AGPAT4: variants seen among roughly 807,000 people sequenced by gnomAD.
The protein encoded by AGPAT4 is 1-acyl-sn-glycerol-3-phosphate acyltransferase delta.
A neutral mutation model predicts 48.0 loss-of-function variants in AGPAT4; 15 were observed. The observed-to-expected ratio is 0.31, with a 90% CI of 0.21 to 0.48. The LOEUF (loss-of-function observed/expected upper bound fraction) is 0.48, where lower values mean the gene tolerates loss of function less well. Among genes scored for constraint, AGPAT4 ranks in the 20% least tolerant of loss-of-function variants. The probability of loss-of-function intolerance (pLI) is 0.99; values close to 1 mark genes in which losing one functional copy is unlikely to be tolerated. For missense variants in AGPAT4, 314 were observed against 482.5 expected (o/e 0.65, Z 3.27); for synonymous variants, 178 against 198.7 (o/e 0.90, Z 0.88).
chr6:161,169,169 A>G lies in AGPAT4; in HGVS notation c.179-2752T>C, dbSNP rs543415849. 1.8e-4 allele frequency among the ~76,000 whole-genome samples: 27 copies of G among 152,322 alleles called. No homozygotes were observed. The highest frequency in any genetic ancestry group is 6.0e-4 in the African/African-American group (25 of 41,560). Reference sequence around the variant, plus strand: ...ACAGAGACTTCTGGGTTACCAGAGTAAGGAGTTATGATTTATGATTTCATT... The same window carrying G: ...ACAGAGACTTCTGGGTTACCAGAGTGAGGAGTTATGATTTATGATTTCATT... On this transcript the variant is annotated intron_variant, in intron 2 of 8. Transcript: ENST00000320285. The surrounding 1 kb of genome is among the most constrained non-coding windows in gnomAD (Gnocchi z 5.0).
At chr6:161,263,079 G>C (rs945462824) in intron 1 of AGPAT4, among the ~76,000 whole-genome samples, 1 of 152,124 alleles carries the variant, frequency 6.6e-6, no homozygotes, top group African/African-American at 2.4e-5. Context: ...AGGAAAAAGA[G>C]CAAAGGCAGA....
rs1440763669 is a variant in AGPAT4 at position 161,155,527 on chromosome 6, A to G, written c.349-1217T>C. The stretch of plus-strand genomic sequence containing the variant: ...CCCCCAACCTACTGGCAGAACAGAA[A>G]AAGGTCTAAACAGCCAATTGCTACC... On this transcript the variant is annotated intron_variant, in intron 3 of 8. Coordinates refer to ENST00000320285, the MANE Select transcript of AGPAT4 (RefSeq NM_020133.3). This position sits in a 1 kb window ranked among gnomAD's most constrained non-coding sequence, Gnocchi z 5.8. 1.3e-5 allele frequency among the ~76,000 whole-genome samples: 2 copies of G among 152,186 alleles called. No homozygotes were observed. The highest frequency in any genetic ancestry group is 4.8e-5 in the African/African-American group (2 of 41,450).
At position 161,165,651 on chromosome 6, in the gene AGPAT4, C is replaced by T. The variant is rs978119804; in HGVS notation, c.348+597G>A. On this transcript the variant is annotated intron_variant, in intron 3 of 8. Transcript: ENST00000320285. The surrounding 1 kb of genome is among the most constrained non-coding windows in gnomAD (Gnocchi z 5.5). ...GCTACACGCTGCAGTGTGTTGAAGA[C>T]GACAAAAGTCAACTGAAGAGACCCA... 7.0e-5 allele frequency: 91 copies of T among 1,304,512 alleles called. 1 individual carries two copies. The highest frequency in any genetic ancestry group is 8.2e-5 in the Non-Finnish European group (81 of 990,000). 80.8% of individuals were successfully genotyped at this position (1,304,512 alleles called of 1,614,324 possible). A position where few individuals can be genotyped will look rare whatever the true frequency, so the allele number is the denominator to read the frequency against.
chr6:161,252,172 A>G (rs1782821941), intron 1 of AGPAT4, among the ~76,000 whole-genome samples: 1 of 152,224 alleles, frequency 6.6e-6, no homozygotes, highest in East Asian at 1.9e-4. Flanking sequence ...TTCCTTTGAC[A>G]AAACTACGGC....
intron 1 of AGPAT4, among the ~76,000 whole-genome samples, chr6:161,252,502 A>T (rs1443814186): frequency 2.0e-5 from 3 of 152,248 alleles, no homozygotes; most frequent in Non-Finnish European, 4.4e-5. Context: ...AGGAAGATTC[A>T]GCAATTTTGC....
rs1258342886 is a variant in AGPAT4 at position 161,267,590 on chromosome 6, C to T, written c.-90+6348G>A. 6.6e-5 allele frequency among the ~76,000 whole-genome samples: 10 copies of T among 152,024 alleles called. No individual in the cohort carries two copies. The highest frequency in any genetic ancestry group is 5.8e-4 in the East Asian group (3 of 5,162). ...CAAAAAAATTAGCCAGGTGTGGTGGCGCACCCCTATAGTCCCAGCTACTCA... is the reference window on the plus strand; with the variant it reads ...CAAAAAAATTAGCCAGGTGTGGTGGTGCACCCCTATAGTCCCAGCTACTCA... On this transcript the variant is annotated intron_variant, in intron 1 of 8. Coordinates refer to ENST00000320285, the MANE Select transcript of AGPAT4 (RefSeq NM_020133.3). The surrounding 1 kb of genome is among the most constrained non-coding windows in gnomAD (Gnocchi z 5.2).
chr6:161,141,214 C>T lies in AGPAT4; in HGVS notation c.844-1594G>A, dbSNP rs202159342. Among the ~76,000 whole-genome samples, 5 of 152,212 alleles carry T rather than the reference C, an allele frequency of 3.3e-5. No individual in the cohort carries two copies. In the East Asian group the frequency reaches 9.7e-4, roughly 29 times the overall value. Reference sequence around the variant, plus strand: ...GTGCCTCTGCTCTGTCCTCGGCCCCCTGCAGCCCATTAACAAGCCTGGTCC... The same window carrying T: ...GTGCCTCTGCTCTGTCCTCGGCCCCTTGCAGCCCATTAACAAGCCTGGTCC... On this transcript the variant is annotated intron_variant, in intron 7 of 8. Transcript: ENST00000320285. This position sits in a 1 kb window ranked among gnomAD's most constrained non-coding sequence, Gnocchi z 6.7.
chr6:161,202,813 T>G lies in AGPAT4; in HGVS notation c.178+29223A>C, dbSNP rs912605846. The stretch of plus-strand genomic sequence containing the variant: ...TGCCCCGTGAATGGGGACACTGACT[T>G]TTGGAGCCCTAAACTACCAGCTAAG... On this transcript the variant is annotated intron_variant, in intron 2 of 8. Coordinates refer to ENST00000320285, the MANE Select transcript of AGPAT4 (RefSeq NM_020133.3). This position sits in a 1 kb window ranked among gnomAD's most constrained non-coding sequence, Gnocchi z 5.4. Among the ~76,000 whole-genome samples, 4 of 152,132 alleles carry G rather than the reference T, an allele frequency of 2.6e-5. No homozygotes were observed. Among genetic ancestry groups the G allele is most frequent in the Admixed American group, 6.5e-5 (1 of 15,280 alleles).
rs1012981759 is a variant in AGPAT4 at position 161,261,284 on chromosome 6, A to G, written c.-90+12654T>C. On this transcript the variant is annotated intron_variant, in intron 1 of 8. Transcript: ENST00000320285. The surrounding 1 kb of genome is among the most constrained non-coding windows in gnomAD (Gnocchi z 5.3). ...ACTGACTGCACGAGTCCATGAGACAAACAACAGAAAAGACCCGGCACAGTC... is the reference window on the plus strand; with the variant it reads ...ACTGACTGCACGAGTCCATGAGACAGACAACAGAAAAGACCCGGCACAGTC... 6.6e-6 allele frequency among the ~76,000 whole-genome samples: 1 copy of G among 152,208 alleles called. No individual in the cohort carries two copies. Among genetic ancestry groups the G allele is most frequent in the Non-Finnish European group, 1.5e-5 (1 of 68,046 alleles).
Position 161,251,656 on chromosome 6 carries a change from T to C in AGPAT4, c.-89-19354A>G, listed in dbSNP as rs3778232. Among the ~76,000 whole-genome samples, 12,484 of 152,228 alleles carry C rather than the reference T, an allele frequency of 0.082. 680 individuals are homozygous for C. Among genetic ancestry groups the C allele is most frequent in the East Asian group, 0.3 (1,568 of 5,154 alleles). Reference sequence around the variant, plus strand: ...CGCCTGAGAGCTCCTGCAAGTTCATTTGTGCCAACGTATTCCCAGGTGGGA... The same window carrying C: ...CGCCTGAGAGCTCCTGCAAGTTCATCTGTGCCAACGTATTCCCAGGTGGGA... On this transcript the variant is annotated intron_variant, in intron 1 of 8. Coordinates refer to ENST00000320285, the MANE Select transcript of AGPAT4 (RefSeq NM_020133.3). The surrounding 1 kb of genome is among the most constrained non-coding windows in gnomAD (Gnocchi z 4.6).
rs997617366 is a variant in AGPAT4, at chr6:161,197,372, T to C, written c.179-30955A>G. The stretch of plus-strand genomic sequence containing the variant: ...TTGATGGAGTAAGTACACCTGCTTA[T>C]GTTTATTTCTTAACATGTTATTCCA... On this transcript the variant is annotated intron_variant, in intron 2 of 8. Transcript: ENST00000320285. The surrounding 1 kb of genome is among the most constrained non-coding windows in gnomAD (Gnocchi z 5.7). Among the ~76,000 whole-genome samples the C allele has an allele frequency of 1.3e-5, 2 of 152,188 alleles. No individual in the cohort carries two copies. Among genetic ancestry groups the C allele is most frequent in the Non-Finnish European group, 2.9e-5 (2 of 68,040 alleles).
rs1056688534 is a variant in AGPAT4 at position 161,214,661 on chromosome 6, C to T, written c.178+17375G>A. 5.3e-5 allele frequency among the ~76,000 whole-genome samples: 8 copies of T among 152,068 alleles called. No homozygotes were observed. Among genetic ancestry groups the T allele is most frequent in the South Asian group, 2.1e-4 (1 of 4,810 alleles). The stretch of plus-strand genomic sequence containing the variant: ...GCACACACCTGTAGTCCCAGCTACT[C>T]GGGAGGCTGAGGCAGGAGAATCACT... On this transcript the variant is annotated intron_variant, in intron 2 of 8. Coordinates refer to ENST00000320285, the MANE Select transcript of AGPAT4 (RefSeq NM_020133.3). The surrounding 1 kb of genome is among the most constrained non-coding windows in gnomAD (Gnocchi z 5.4).
chr6:161,231,889 A>G lies in AGPAT4; in HGVS notation c.178+147T>C, dbSNP rs1363961732. On this transcript the variant is annotated intron_variant, in intron 2 of 8. Coordinates refer to ENST00000320285, the MANE Select transcript of AGPAT4 (RefSeq NM_020133.3). This position sits in a 1 kb window ranked among gnomAD's most constrained non-coding sequence, Gnocchi z 5.3. ...AAAATAATTTTGGGGGATTGAGAAC[A>G]AAATAGCCATTTCAAACCTAAAACA... is the stretch of plus-strand genomic sequence containing the variant. The G allele has an allele frequency of 9.0e-6, 7 of 773,496 alleles. No individual in the cohort carries two copies. The highest frequency in any genetic ancestry group is 1.4e-5 in the Non-Finnish European group (7 of 510,632). The allele number at this position is 773,496 out of a possible 1,614,324, so 47.9% of individuals were successfully genotyped here. A position where few individuals can be genotyped will look rare whatever the true frequency, so the allele number is the denominator to read the frequency against.
chr6:161,258,096 T>C (rs966154884), intron 1 of AGPAT4, among the ~76,000 whole-genome samples: 1 of 152,256 alleles, frequency 6.6e-6, no homozygotes, highest in Admixed American at 6.5e-5. Flanking sequence ...ATGAAAGTTC[T>C]AGTATTTACA....
chr6:161,138,653 T>C lies in AGPAT4; in HGVS notation c.1042+769A>G, dbSNP rs1285173160. 2.6e-5 allele frequency among the ~76,000 whole-genome samples: 4 copies of C among 152,216 alleles called. No individual in the cohort carries two copies. Among genetic ancestry groups the C allele is most frequent in the Non-Finnish European group, 5.9e-5 (4 of 68,032 alleles). On this transcript the variant is annotated intron_variant, in intron 8 of 8. Transcript: ENST00000320285. This position sits in a 1 kb window ranked among gnomAD's most constrained non-coding sequence, Gnocchi z 4.8. ...TGTTTGACAGAAAATAACTGAGTCC[T>C]GTCCATTTGGAAGAAGCACGTGATC... is the stretch of plus-strand genomic sequence containing the variant.
At chr6:161,260,145 A>G (rs770905968) in intron 1 of AGPAT4, among the ~76,000 whole-genome samples, 1 of 152,100 alleles carries the variant, frequency 6.6e-6, no homozygotes, top group Non-Finnish European at 1.5e-5. Flanking sequence ...CGGAGGGGCC[A>G]TTACTCCCAC....
At chr6:161,205,148 C>A (rs1036592183) in intron 2 of AGPAT4, among the ~76,000 whole-genome samples, 1 of 152,148 alleles carries the variant, frequency 6.6e-6, no homozygotes, top group African/African-American at 2.4e-5. Context: ...TCTGGCACGA[C>A]TGATCCTAAA....
Position 161,252,992 on chromosome 6 carries a change from G to A in AGPAT4, c.-89-20690C>T, listed in dbSNP as rs1214223661. ...GCACTTTGAGAGGCCAAGGCAGGCAGATCATGAGGTCAGGAGATCGAGACC... is the reference window on the plus strand; with the variant it reads ...GCACTTTGAGAGGCCAAGGCAGGCAAATCATGAGGTCAGGAGATCGAGACC... On this transcript the variant is annotated intron_variant, in intron 1 of 8. Transcript: ENST00000320285. Among the ~76,000 whole-genome samples, 3 of 151,914 alleles carry A rather than the reference G, an allele frequency of 2.0e-5. No homozygotes were observed. The East Asian group carries it at 5.9e-4, about 30-fold the overall frequency.
intron 1 of AGPAT4, among the ~76,000 whole-genome samples, chr6:161,248,627 T>A: frequency 7.1e-6 from 1 of 141,210 alleles, no homozygotes; most frequent in African/African-American, 2.7e-5. Flanking sequence ...AAGTGAAAGA[T>A]CGCTACAAGG....
Sources: allele counts gnomAD v4.1 joint callset (sites outside exome capture counted in the v4.1 genomes callset), GRCh38; gene constraint gnomAD v4.1.1; non-coding constraint Gnocchi (gnomAD v3.1); transcripts MANE v1.5; gene names NCBI Gene and HGNC (gene_info 2026-07-23, HGNC 2026-07-21).